The following UFL1 variants were observed in gnomAD, a reference collection of about 807,000 sequenced individuals.
UFL1 encodes E3 UFM1-protein ligase 1.
A neutral mutation model predicts 99.3 loss-of-function variants in UFL1; 78 were observed. The observed-to-expected ratio is 0.79, with a 90% CI of 0.65 to 0.95. The LOEUF (loss-of-function observed/expected upper bound fraction) is 0.95, where lower values mean the gene tolerates loss of function less well. Ranked by LOEUF, UFL1 falls within the 40% of genes least tolerant of loss-of-function variation. The probability of loss-of-function intolerance (pLI) is 0.00; values close to 1 mark genes in which losing one functional copy is unlikely to be tolerated. For synonymous variants in UFL1, 335 were observed against 322.2 expected (o/e 1.04, Z -0.42); for missense variants, 936 against 937.0 (o/e 1.00, Z 0.01).
chr6:96,525,147 C>T (rs1270172444), intron 3 of UFL1, 150 bp from the exon 4 acceptor site: 5 of 557,256 alleles, frequency 9.0e-6, no homozygotes, highest in Admixed American at 3.9e-5. Context: ...AAGGGATCCT[C>T]CCGCCTCATC....
At chr6:96,534,214 T>C (rs1212867320) in intron 6 of UFL1, 49 bp from the exon 7 acceptor site, 1 of 1,240,934 alleles carries the variant, frequency 8.1e-7, no homozygotes, top group African/African-American at 1.6e-5. Context: ...CATTAATCTA[T>C]AACACTATAA....
At chr6:96,524,693 G>A (rs1200831303) in intron 3 of UFL1, among the ~76,000 whole-genome samples, 6 of 152,122 alleles carry the variant, frequency 3.9e-5, no homozygotes, top group African/African-American at 1.2e-4. Context: ...TTTACCAAAT[G>A]AACTCATAGT....
chr6:96,551,519 T>C lies in UFL1; in HGVS notation c.1899+6T>C, dbSNP rs1770079882. On this transcript the variant is annotated splice_donor_region_variant and intron_variant, in intron 16 of 18. Transcript: ENST00000369278. ...ATAACTCTCTGAATGAAAAGGTAAGTAAAGTTTTATTCTATTTACATGTCA... is the reference window on the plus strand; with the variant it reads ...ATAACTCTCTGAATGAAAAGGTAAGCAAAGTTTTATTCTATTTACATGTCA... The C allele has an allele frequency of 6.7e-7, 1 of 1,500,452 alleles. No individual in the cohort carries two copies. Among genetic ancestry groups the C allele is most frequent in the Middle Eastern group, 1.8e-4 (1 of 5,700 alleles). The allele number at this position is 1,500,452 out of a possible 1,614,324, so 92.9% of individuals were successfully genotyped here. A position where few individuals can be genotyped will look rare whatever the true frequency, so the allele number is the denominator to read the frequency against.
At chr6:96,547,029 A>G (rs1000078255) in intron 12 of UFL1, among the ~76,000 whole-genome samples, 3 of 151,738 alleles carry the variant, frequency 2.0e-5, no homozygotes, top group African/African-American at 2.4e-5. Flanking sequence ...GCACAGCAAA[A>G]TAAATAATTA....
At chr6:96,535,540 C>T (rs1357904646) in intron 7 of UFL1, among the ~76,000 whole-genome samples, 1 of 151,978 alleles carries the variant, frequency 6.6e-6, no homozygotes, top group African/African-American at 2.4e-5. Flanking sequence ...TACTTGAATA[C>T]AACAATTCTA....
intron 6 of UFL1, 46 bp downstream of exon 6, chr6:96,528,678 T>C (rs755300776): frequency 1.3e-6 from 2 of 1,529,226 alleles, no homozygotes; most frequent in Non-Finnish European, 1.8e-6. Flanking sequence ...TCTTTGATCA[T>C]GGTTTGCATT....
At chr6:96,527,257 GA>G (rs1769717734) in intron 5 of UFL1, among the ~76,000 whole-genome samples, 1 of 152,034 alleles carries the variant, frequency 6.6e-6, no homozygotes, top group African/African-American at 2.4e-5. Context: ...TTGACATCAG[GA>G]AAATCATTTC....
In UFL1 at chr6:96,552,505, A is replaced by G; in HGVS notation, c.2009A>G (p.Gln670Arg). Residue 670 changes from glutamine to arginine, a missense_variant, in exon 18 of 19, where the codon CAA (glutamine) becomes CGA (arginine). Gln to Arg is a conservative substitution (Grantham distance 43, BLOSUM62 1). Coordinates refer to ENST00000369278, the MANE Select transcript of UFL1 (RefSeq NM_015323.5). The stretch of plus-strand genomic sequence containing the variant: ...AGACAGATACTGTTCCAACATCGAC[A>G]AGCACTGGCTGAACAGCTAAAGGTC... ...RERQILFQHR[Q>R]ALAEQLKVTE... is the part of the protein sequence containing the mutation. 1 of 1,590,336 alleles carries G rather than the reference A, an allele frequency of 6.3e-7. No homozygotes were observed. Among genetic ancestry groups the G allele is most frequent in the Non-Finnish European group, 8.5e-7 (1 of 1,173,098 alleles).
chr6:96,549,792 C>CTTGT lies in UFL1; in HGVS notation c.1811_1812insTTGT (p.Ser605CysfsTer3). The CTTGT allele has an allele frequency of 6.2e-7, 1 of 1,611,348 alleles. No individual in the cohort carries two copies. The highest frequency in any genetic ancestry group is 8.5e-7 in the Non-Finnish European group (1 of 1,178,272). ...GCAGTAGACGATCCTGCAGCCATTA[C>CTTGT]AAGTGAAGTATGTTAATGATCTCCC... On this transcript the variant is annotated frameshift_variant, in exon 15 of 19. Coordinates refer to ENST00000369278, the MANE Select transcript of UFL1 (RefSeq NM_015323.5). LOFTEE classifies it high-confidence loss of function.
At chr6:96,535,838 A>G (rs1769845079) in intron 7 of UFL1, among the ~76,000 whole-genome samples, 1 of 152,046 alleles carries the variant, frequency 6.6e-6, no homozygotes, top group South Asian at 2.1e-4. Flanking sequence ...TTTTTTAAAT[A>G]TTAAAAAACG....
chr6:96,538,967 T>A (rs1769893225), intron 10 of UFL1, among the ~76,000 whole-genome samples, 157 bp downstream of exon 10: 1 of 151,720 alleles, frequency 6.6e-6, no homozygotes, highest in South Asian at 2.1e-4. Context: ...TCTCCCAGAT[T>A]TATTTTTTCT....
chr6:96,536,495 A>T (rs2127950935), intron 8 of UFL1, 105 bp downstream of exon 8: 1 of 718,046 alleles, frequency 1.4e-6, no homozygotes, highest in Admixed American at 3.9e-5. Flanking sequence ...TGTGGGTTAT[A>T]TTAAAAATAA....
intron 11 of UFL1, 80 bp downstream of exon 11, chr6:96,540,735 C>T: frequency 1.4e-6 from 2 of 1,479,810 alleles, no homozygotes; most frequent in Non-Finnish European, 1.8e-6. Flanking sequence ...TTATTATGCC[C>T]TTTGAAAGGC....
chr6:96,522,589 C>T (rs1769633852), intron 1 of UFL1, among the ~76,000 whole-genome samples: 1 of 152,084 alleles, frequency 6.6e-6, no homozygotes, highest in South Asian at 2.1e-4. Flanking sequence ...TGTTTTATTC[C>T]TTTTGAGCCG....
chr6:96,538,644 CTTCT>C lies in UFL1; in HGVS notation c.995_998del (p.Ser332TyrfsTer13), dbSNP rs758732601. 1 of 1,610,806 alleles carries C rather than the reference CTTCT, an allele frequency of 6.2e-7. No homozygotes were observed. Among genetic ancestry groups the C allele is most frequent in the South Asian group, 1.1e-5 (1 of 90,996 alleles). ...TTGTAATTCTAGCCTCTGCTACCCACTTCTTTATCAGTTGAAGATGCTGCCATAT... is the reference window on the plus strand; with the variant it reads ...TTGTAATTCTAGCCTCTGCTACCCACTTATCAGTTGAAGATGCTGCCATAT... On this transcript the variant is annotated frameshift_variant, in exon 10 of 19. Coordinates refer to ENST00000369278, the MANE Select transcript of UFL1 (RefSeq NM_015323.5). LOFTEE classifies it high-confidence loss of function.
chr6:96,533,141 G>T (rs1467772668), intron 6 of UFL1, among the ~76,000 whole-genome samples: 1 of 151,670 alleles, frequency 6.6e-6, no homozygotes, highest in African/African-American at 2.4e-5. Flanking sequence ...AGGCATACTG[G>T]CTTAAAAGGA....
At position 96,545,118 on chromosome 6, in the gene UFL1, C is replaced by T. The variant is rs965595872; in HGVS notation, c.1402+2102C>T. On this transcript the variant is annotated intron_variant, in intron 12 of 18. Transcript: ENST00000369278. ...GAACATTAGGAATGGACAGCAGATC[C>T]CAGAAGATAATAGTACTGTCTGTCT... Among the ~76,000 whole-genome samples, 9 of 150,838 alleles carry T rather than the reference C, an allele frequency of 6.0e-5. No homozygotes were observed. The East Asian group carries it at 1.7e-3, about 29-fold the overall frequency.
At chr6:96,528,317 T>C (rs1022097182) in intron 5 of UFL1, among the ~76,000 whole-genome samples, 185 bp from the exon 6 acceptor site, 2 of 152,230 alleles carry the variant, frequency 1.3e-5, no homozygotes. Flanking sequence ...TGCCATGAGA[T>C]AGTGAACTTT....
rs369386179 is a variant in UFL1, at chr6:96,552,587, A to G, written c.2091A>G (p.Ser697=). 1 of 1,613,378 alleles carries G rather than the reference A, an allele frequency of 6.2e-7. No individual in the cohort carries two copies. The part of the protein sequence containing the change: ...HLTSVLLFQF[S]THSMLHAPGR... Reference sequence around the variant, plus strand: ...CATCAGTCCTGTTGTTTCAGTTTTCAACCCACAGCATGCTCCATGCACCTG... The same window carrying G: ...CATCAGTCCTGTTGTTTCAGTTTTCGACCCACAGCATGCTCCATGCACCTG... Residue 697 remains serine, a synonymous_variant, in exon 18 of 19, where the codon TCA becomes TCG. Coordinates refer to ENST00000369278, the MANE Select transcript of UFL1 (RefSeq NM_015323.5).
Sources: allele counts gnomAD v4.1 joint callset (sites outside exome capture counted in the v4.1 genomes callset), GRCh38; gene constraint gnomAD v4.1.1; transcripts MANE v1.5; gene names NCBI Gene and HGNC (gene_info 2026-07-23, HGNC 2026-07-21).